SANBR: variants seen among roughly 807,000 people sequenced by gnomAD.
SANBR encodes the protein SANT and BTB domain regulator of CSR.
SANBR carries 77 observed loss-of-function variants against 101.8 expected under a neutral mutation model. The observed-to-expected ratio is 0.76, with a 90% CI of 0.63 to 0.91. The LOEUF (loss-of-function observed/expected upper bound fraction) is 0.91. Ranked by LOEUF, SANBR falls within the 40% of genes least tolerant of loss-of-function variation. The pLI is 0.00. For synonymous variants in SANBR, 279 were observed against 274.7 expected (o/e 1.02, Z -0.15); for missense variants, 875 against 853.0 (o/e 1.03, Z -0.32).
At chr2:61,114,781 G>C (rs1038075593) in intron 16 of SANBR, among the ~76,000 whole-genome samples, 2 of 152,120 alleles carry the variant, frequency 1.3e-5, no homozygotes, top group Admixed American at 1.3e-4. Flanking sequence ...CAAGCCTCCT[G>C]AGTAGCTGGG....
At chr2:61,085,223 C>G (rs1295871613) in intron 8 of SANBR, among the ~76,000 whole-genome samples, 1 of 151,964 alleles carries the variant, frequency 6.6e-6, no homozygotes. Flanking sequence ...TTTTGTATGT[C>G]CTGTTCAATA....
chr2:61,105,707 CTG>C (rs1663919478), intron 13 of SANBR, among the ~76,000 whole-genome samples: 1 of 142,104 alleles, frequency 7.0e-6, no homozygotes, highest in African/African-American at 2.6e-5. Flanking sequence ...GAGTCTCGCT[CTG>C]TCACCAGGCT....
intron 16 of SANBR, among the ~76,000 whole-genome samples, chr2:61,114,881 T>C (rs989439806): frequency 1.3e-5 from 2 of 152,194 alleles, no homozygotes; most frequent in Non-Finnish European, 2.9e-5. Context: ...GTTCTTGAAC[T>C]CCTAGCCACA....
chr2:61,102,603 T>G (rs1683343113), intron 12 of SANBR, among the ~76,000 whole-genome samples: 1 of 151,902 alleles, frequency 6.6e-6, no homozygotes, highest in African/African-American at 2.4e-5. Flanking sequence ...AGTGGCACCA[T>G]GTTGGCTCAC....
At chr2:61,111,175 C>T (rs1044513915) in intron 16 of SANBR, among the ~76,000 whole-genome samples, 3 of 152,136 alleles carry the variant, frequency 2.0e-5, no homozygotes, top group Admixed American at 6.5e-5. Flanking sequence ...GGGCGGATCA[C>T]GAGCTCAGAA....
intron 21 of SANBR, among the ~76,000 whole-genome samples, chr2:61,136,845 C>G: frequency 6.6e-6 from 1 of 151,572 alleles, no homozygotes; most frequent in Non-Finnish European, 1.5e-5. Context: ...ATGGCAGGTG[C>G]CTGTAATCCC....
Position 61,123,741 on chromosome 2 carries a change from G to T in SANBR, c.*1579G>T. On this transcript the variant is annotated 3_prime_UTR_variant, in exon 22 of 22. Transcript: ENST00000402291. ...AGGCAAACTGCTTCTCCCCTGGGAG[G>T]CCTATACCACTGAATTAATTTTTAC... 1.0e-6 allele frequency: 1 copy of T among 985,430 alleles called. No homozygotes were observed. The highest frequency in any genetic ancestry group is 1.2e-6 in the Non-Finnish European group (1 of 829,830). 61.0% of individuals were successfully genotyped at this position (985,430 alleles called of 1,614,324 possible). A position where few individuals can be genotyped will look rare whatever the true frequency, so the allele number is the denominator to read the frequency against.
chr2:61,120,544 A>T (rs1684286207), intron 20 of SANBR, among the ~76,000 whole-genome samples: 1 of 152,198 alleles, frequency 6.6e-6, no homozygotes, highest in Non-Finnish European at 1.5e-5. Context: ...AGCCTGGGCA[A>T]CATAGGGAGA....
At chr2:61,092,008 A>C (rs912506357) in intron 10 of SANBR, among the ~76,000 whole-genome samples, 2 of 152,246 alleles carry the variant, frequency 1.3e-5, no homozygotes, top group Non-Finnish European at 2.9e-5. Flanking sequence ...AATGATTCTA[A>C]TGTTTAGAAT....
At chr2:61,084,650 T>A (rs1256172846) in intron 8 of SANBR, among the ~76,000 whole-genome samples, 3 of 152,134 alleles carry the variant, frequency 2.0e-5, no homozygotes, top group Admixed American at 2.0e-4. Flanking sequence ...AAGGGTTGTT[T>A]AGGTCATAGC....
intron 16 of SANBR, among the ~76,000 whole-genome samples, chr2:61,109,852 A>G (rs975497714): frequency 1.3e-5 from 2 of 151,642 alleles, no homozygotes; most frequent in Non-Finnish European, 2.9e-5. Context: ...GGGGTTTCAC[A>G]ATGTTGATCA....
rs1004115367 is a variant in SANBR at position 61,121,244 on chromosome 2, T to C, written c.2088T>C (p.Ser696=). 14 of 1,551,104 alleles carry C rather than the reference T, an allele frequency of 9.0e-6. No homozygotes were observed. Among genetic ancestry groups the C allele is most frequent in the Non-Finnish European group, 9.6e-6 (11 of 1,146,600 alleles). ...EAQIKASVPV[S]ARQSSSEKNT... ...AAATCAAGGCCTCAGTGCCAGTTAG[T>C]GCACGCCAAAGCAGCTCAGAGAAAA... The change falls in exon 21 of 22, where the codon AGT becomes AGC. Residue 696 remains serine, a synonymous_variant. Coordinates refer to ENST00000402291, the MANE Select transcript of SANBR (RefSeq NM_001129993.3).
At position 61,134,317 on chromosome 2, in the gene SANBR, T is replaced by G. The variant is rs188792731; in HGVS notation, c.*44+41T>G. 1,377 of 1,512,110 alleles carry G rather than the reference T, an allele frequency of 9.1e-4. 2 individuals carry two copies. The highest frequency in any genetic ancestry group is 2.7e-3 in the Admixed American group (129 of 48,204). 93.7% of individuals were successfully genotyped at this position (1,512,110 alleles called of 1,614,324 possible). A position where few individuals can be genotyped will look rare whatever the true frequency, so the allele number is the denominator to read the frequency against. On this transcript the variant is annotated intron_variant, in intron 21 of 21. Transcript: ENST00000295031. Reference sequence around the variant, plus strand: ...TGTTAGCTATTATTAGTAGACCACATGAAAGACTTTTAGAAATAACTGTAT... The same window carrying G: ...TGTTAGCTATTATTAGTAGACCACAGGAAAGACTTTTAGAAATAACTGTAT...
intron 2 of SANBR, chr2:61,069,615 C>A (rs1394275926): frequency 6.6e-6 from 1 of 152,296 alleles, no homozygotes; most frequent in Non-Finnish European, 1.5e-5. Flanking sequence ...AAACTTTTGT[C>A]ATTATTTTCA....
chr2:61,073,537 T>G lies in SANBR; in HGVS notation c.417T>G (p.Thr139=), dbSNP rs1681595559. ...NCTTHNGGEM[T]EESEGPNMVI... The stretch of plus-strand genomic sequence containing the variant: ...CTACTCATAATGGTGGAGAAATGAC[T>G]GAAGAATCTGAAGGGTAGGCGGCTG... Residue 139 remains threonine (T), a synonymous_variant, in exon 5 of 22, where the codon ACT becomes ACG. Transcript: ENST00000402291. The G allele has an allele frequency of 6.4e-7, 1 of 1,563,864 alleles. No homozygotes were observed. Among genetic ancestry groups the G allele is most frequent in the Non-Finnish European group, 8.7e-7 (1 of 1,148,308 alleles).
chr2:61,104,255 G>C (rs1159497465), intron 13 of SANBR, among the ~76,000 whole-genome samples: 1 of 152,090 alleles, frequency 6.6e-6, no homozygotes, highest in Non-Finnish European at 1.5e-5. Context: ...GGCCAAGGCG[G>C]GCGGATCACG....
chr2:61,091,549 C>T (rs562095158), intron 10 of SANBR, among the ~76,000 whole-genome samples: 22 of 150,250 alleles, frequency 1.5e-4, no homozygotes, highest in Non-Finnish European at 2.2e-4. Flanking sequence ...GAGCCAGGAT[C>T]GCGCCACTTC....
intron 5 of SANBR, 62 bp from the exon 6 acceptor site, chr2:61,076,858 G>A (rs921244924): frequency 1.4e-5 from 16 of 1,159,498 alleles, no homozygotes; most frequent in Non-Finnish European, 1.5e-5. Flanking sequence ...CTAAATGTCA[G>A]TATTCTTGAC....
chr2:61,108,456 G>A (rs965205323), intron 15 of SANBR, 107 bp downstream of exon 15: 8 of 657,450 alleles, frequency 1.2e-5, no homozygotes, highest in Admixed American at 3.3e-5. Flanking sequence ...TTAGTTAAAT[G>A]TACATCTTCC....
Sources: allele counts gnomAD v4.1 joint callset (sites outside exome capture counted in the v4.1 genomes callset), GRCh38; gene constraint gnomAD v4.1.1; transcripts MANE v1.5; gene names NCBI Gene and HGNC (gene_info 2026-07-23, HGNC 2026-07-21).